Variants in MAN2A1 observed in about 807,000 individuals in gnomAD.
MAN2A1 encodes alpha-mannosidase 2.
MAN2A1 carries 76 observed loss-of-function variants against 142.6 expected under a neutral mutation model. The observed-to-expected ratio is 0.53, with a 90% CI of 0.44 to 0.65. The LOEUF is 0.65. Ranked by LOEUF, MAN2A1 falls within the 30% of genes least tolerant of loss-of-function variation. The pLI is 0.00. For missense variants in MAN2A1, 1,311 were observed against 1,365.1 expected, an observed-to-expected ratio of 0.96 and a Z score of 0.62; for synonymous variants, 559 against 473.2, an observed-to-expected ratio of 1.18 and a Z score of -2.35.
At chr5:109,855,072 A>G in intron 19 of MAN2A1, 68 bp from the exon 20 acceptor site, 2 of 765,824 alleles carry the variant, frequency 2.6e-6, no homozygotes, top group African/African-American at 1.8e-5. Context: ...ACCCTCTCAG[A>G]TAATTCTGTT....
rs950664279 is a variant in MAN2A1, at chr5:109,868,986, G to T, written c.*1988G>T. On this transcript the variant is annotated 3_prime_UTR_variant, in exon 22 of 22. Transcript: ENST00000261483. Reference sequence around the variant, plus strand: ...AACAGTGGTTTTGCCACTTCTGGTTGTTTGCGATGGATCTGTCCCATGTCA... The same window carrying T: ...AACAGTGGTTTTGCCACTTCTGGTTTTTTGCGATGGATCTGTCCCATGTCA... 5 of 152,174 alleles carry T rather than the reference G, an allele frequency of 3.3e-5. No homozygotes were observed. Among genetic ancestry groups the T allele is most frequent in the Admixed American group, 3.3e-4 (5 of 15,282 alleles). 9.4% of individuals were successfully genotyped at this position (152,174 alleles called of 1,614,324 possible). A position where few individuals can be genotyped will look rare whatever the true frequency, so the allele number is the denominator to read the frequency against.
chr5:109,751,494 A>AT (rs951071625), intron 4 of MAN2A1, among the ~76,000 whole-genome samples: 3 of 151,352 alleles, frequency 2.0e-5, no homozygotes, highest in Non-Finnish European at 2.9e-5. Flanking sequence ...TGGTGTACTG[A>AT]TTTTTTTCCT....
chr5:109,855,184 C>T lies in MAN2A1; in HGVS notation c.3021C>T (p.His1007=), dbSNP rs372801189. 2 of 1,598,640 alleles carry T rather than the reference C, an allele frequency of 1.3e-6. No homozygotes were observed. The highest frequency in any genetic ancestry group is 1.7e-5 in the Admixed American group (1 of 57,334). The change falls in exon 20 of 22, where the codon CAC becomes CAT. Residue 1007 remains histidine (H), a synonymous_variant. Transcript: ENST00000261483. ...KSVSYPSLLS[H]ITSSLMNHPV... ...TCAGTTATCCTTCTCTCCTTAGCCA[C>T]ATAACTTCTTCTCTCATGAATCATC...
intron 1 of MAN2A1, among the ~76,000 whole-genome samples, chr5:109,704,350 T>G (rs1751070245): frequency 6.6e-6 from 1 of 152,242 alleles, no homozygotes. Context: ...CTACGTATTT[T>G]TTGTGCTCAC....
chr5:109,759,107 GA>G (rs1375348236), intron 5 of MAN2A1, among the ~76,000 whole-genome samples: 1 of 152,042 alleles, frequency 6.6e-6, no homozygotes, highest in East Asian at 1.9e-4. Flanking sequence ...ATATCAGCTA[GA>G]ATTTTGCTAG....
intron 18 of MAN2A1, 102 bp downstream of exon 18, chr5:109,846,108 C>G (rs1319544945): frequency 4.0e-5 from 42 of 1,042,154 alleles, no homozygotes; most frequent in Non-Finnish European, 2.6e-5. Flanking sequence ...TAAAACCTCC[C>G]TGTCTTCTTT....
intron 2 of MAN2A1, among the ~76,000 whole-genome samples, chr5:109,715,217 A>C (rs946148212): frequency 2.0e-5 from 3 of 151,846 alleles, no homozygotes; most frequent in African/African-American, 7.2e-5. Flanking sequence ...TATTAAACTC[A>C]TATATTCCAT....
chr5:109,847,094 C>T (rs1254426983), intron 18 of MAN2A1, among the ~76,000 whole-genome samples: 1 of 152,114 alleles, frequency 6.6e-6, no homozygotes, highest in Non-Finnish European at 1.5e-5. Context: ...TTAAAAAACA[C>T]TATGTTGAGA....
chr5:109,823,687 A>C (rs1396167920), intron 15 of MAN2A1, 36 bp from the exon 16 acceptor site: 1 of 1,128,074 alleles, frequency 8.9e-7, no homozygotes, highest in African/African-American at 1.6e-5. Flanking sequence ...TTTGGAAGCC[A>C]AAATATTTTT....
chr5:109,757,873 C>T (rs1486595059), intron 5 of MAN2A1, among the ~76,000 whole-genome samples: 2 of 152,084 alleles, frequency 1.3e-5, no homozygotes, highest in Non-Finnish European at 2.9e-5. Flanking sequence ...TATATCAGTG[C>T]TTCATTCCTT....
At chr5:109,755,303 G>A in intron 4 of MAN2A1, 26 bp from the exon 5 acceptor site, 3 of 1,574,196 alleles carry the variant, frequency 1.9e-6, no homozygotes, top group Non-Finnish European at 2.6e-6. Context: ...ATTTATTAAT[G>A]TAGACTCTTG....
At chr5:109,751,270 C>T (rs1342093824) in intron 4 of MAN2A1, among the ~76,000 whole-genome samples, 7 of 151,734 alleles carry the variant, frequency 4.6e-5, no homozygotes, top group Admixed American at 4.6e-4. Context: ...CTGTGCCTGG[C>T]TTATTTTGCT....
At chr5:109,751,475 A>T (rs1025857492) in intron 4 of MAN2A1, among the ~76,000 whole-genome samples, 3 of 152,072 alleles carry the variant, frequency 2.0e-5, no homozygotes, top group African/African-American at 7.2e-5. Flanking sequence ...TCCAAACAGT[A>T]CATCCCTTTG....
At chr5:109,798,410 C>G (rs1184598950) in intron 12 of MAN2A1, among the ~76,000 whole-genome samples, 1 of 152,196 alleles carries the variant, frequency 6.6e-6, no homozygotes, top group East Asian at 1.9e-4. Flanking sequence ...AAGTGGATAG[C>G]TCTCTTGGGA....
At chr5:109,820,128 A>AT in intron 14 of MAN2A1, 92 bp from the exon 15 acceptor site, 3 of 1,157,270 alleles carry the variant, frequency 2.6e-6, no homozygotes, top group Non-Finnish European at 3.6e-6. Context: ...TACAGAAATT[A>AT]TTTTTTTAAA....
chr5:109,710,959 G>C (rs557230348), intron 1 of MAN2A1, among the ~76,000 whole-genome samples: 3 of 152,218 alleles, frequency 2.0e-5, no homozygotes, highest in African/African-American at 7.2e-5. Context: ...CAAAGTGCTG[G>C]GATTACAGGC....
In MAN2A1 at chr5:109,729,297, G is replaced by A. The variant is rs759833469; in HGVS notation, c.536-45G>A. Reference sequence around the variant, plus strand: ...ATGGAATGTGACTGAGTTGAAATCAGCCATACGAATTAGACCTTTGTGGTA... The same window carrying A: ...ATGGAATGTGACTGAGTTGAAATCAACCATACGAATTAGACCTTTGTGGTA... On this transcript the variant is annotated intron_variant, in intron 3 of 21. Coordinates refer to ENST00000261483, the MANE Select transcript of MAN2A1 (RefSeq NM_002372.4). The A allele has an allele frequency of 3.9e-6, 5 of 1,270,064 alleles. No individual in the cohort carries two copies. The East Asian group carries it at 1.3e-4, about 32-fold the overall frequency. 78.7% of individuals were successfully genotyped at this position (1,270,064 alleles called of 1,614,324 possible). A position where few individuals can be genotyped will look rare whatever the true frequency, so the allele number is the denominator to read the frequency against.
chr5:109,701,445 A>G (rs944226300), intron 1 of MAN2A1, among the ~76,000 whole-genome samples: 5 of 152,138 alleles, frequency 3.3e-5, no homozygotes, highest in African/African-American at 4.8e-5. Flanking sequence ...TTGCCCTGAG[A>G]GTTTGTCTGA....
At chr5:109,760,217 T>C (rs1294569479) in intron 5 of MAN2A1, among the ~76,000 whole-genome samples, 3 of 152,176 alleles carry the variant, frequency 2.0e-5, no homozygotes, top group African/African-American at 4.8e-5. Context: ...CTCCCACTTA[T>C]GAGTGAGAAC....
Sources: allele counts gnomAD v4.1 joint callset (sites outside exome capture counted in the v4.1 genomes callset), GRCh38; gene constraint gnomAD v4.1.1; transcripts MANE v1.5; gene names NCBI Gene and HGNC (gene_info 2026-07-23, HGNC 2026-07-21).